Variants in TASP1 observed in about 807,000 individuals in gnomAD.
The protein encoded by TASP1 is threonine aspartase 1.
TASP1 carries 16 observed loss-of-function variants against 56.6 expected under a neutral mutation model. The ratio of observed to expected loss-of-function variants is 0.28; its 90% confidence interval spans 0.19 to 0.43. The LOEUF is 0.43. Ranked by LOEUF, TASP1 falls within the 20% of genes least tolerant of loss-of-function variation. The pLI, the probability that TASP1 is intolerant of heterozygous loss-of-function variation, is 1.00. For missense variants in TASP1, 393 were observed against 511.6 expected (o/e 0.77, Z 2.24); for synonymous variants, 179 against 184.2 (o/e 0.97, Z 0.23).
chr20:13,417,061 G>A lies in TASP1; in HGVS notation c.1170+387C>T, dbSNP rs117218069. The stretch of plus-strand genomic sequence containing the variant: ...TGCTTTCTAGGGTTAAAGCTTGTTT[G>A]ACTCAGTTTCCTTTATTCCAACACT... On this transcript the variant is annotated intron_variant, in intron 13 of 13. Coordinates refer to ENST00000337743, the MANE Select transcript of TASP1 (RefSeq NM_017714.3). Among the ~76,000 whole-genome samples the A allele has an allele frequency of 8.5e-5, 13 of 152,324 alleles. No individual in the cohort carries two copies. The East Asian group carries it at 2.5e-3, about 29-fold the overall frequency.
the TASP1 span, chr20:13,117,786 G>A: frequency 6.9e-7 from 1 of 1,439,238 alleles, no homozygotes; most frequent in African/African-American, 1.4e-5. Context: ...GCCGTGTGTA[G>A]GGCTTCTCTG....
chr20:13,511,115 C>G (rs770626285), intron 10 of TASP1, among the ~76,000 whole-genome samples: 1 of 151,180 alleles, frequency 6.6e-6, no homozygotes, highest in African/African-American at 2.4e-5. Flanking sequence ...ATTAGCCAAT[C>G]AACAAAACAT....
the TASP1 span, among the ~76,000 whole-genome samples, chr20:13,357,722 T>C: frequency 6.6e-6 from 1 of 152,276 alleles, no homozygotes. Flanking sequence ...CTGCTAATCT[T>C]AATAGCCCCA....
At chr20:13,434,896 A>C in intron 12 of TASP1, 148 bp downstream of exon 12, 1 of 523,968 alleles carries the variant, frequency 1.9e-6, no homozygotes. Context: ...TCTACGGAAA[A>C]AGATCAGTAG....
At chr20:13,351,496 GATCTTAAAGGCATTCGCTGCAT>G in the TASP1 span, among the ~76,000 whole-genome samples, 1 of 152,208 alleles carries the variant, frequency 6.6e-6, no homozygotes, top group South Asian at 2.1e-4. Context: ...AAATCAGACA[GATCTTAAAGGCATTCGCTGCAT>G]AAAAGAAGCC....
At chr20:13,573,734 AAAAAAAC>A (rs2046798003) in intron 6 of TASP1, among the ~76,000 whole-genome samples, 1 of 152,156 alleles carries the variant, frequency 6.6e-6, no homozygotes, top group African/African-American at 2.4e-5. Context: ...TGAAGTGGTG[AAAAAAAC>A]AAAAGACAAA....
downstream of TASP1, among the ~76,000 whole-genome samples, chr20:13,385,866 A>G (rs1040546707): frequency 1.2e-4 from 18 of 152,344 alleles, no homozygotes; most frequent in African/African-American, 4.3e-4. Context: ...ACTTCTAGGG[A>G]GTGCTGATTC....
chr20:13,581,968 CGCCT>C (rs1422617501), intron 5 of TASP1, among the ~76,000 whole-genome samples: 1 of 151,996 alleles, frequency 6.6e-6, no homozygotes, highest in Non-Finnish European at 1.5e-5. Context: ...CACTAATATA[CGCCT>C]GCCTTTCAGG....
chr20:13,364,690 A>G, the TASP1 span, among the ~76,000 whole-genome samples: 1 of 151,944 alleles, frequency 6.6e-6, no homozygotes, highest in African/African-American at 2.4e-5. Flanking sequence ...AACTTGGTCA[A>G]TAGACACCTG....
intron 11 of TASP1, among the ~76,000 whole-genome samples, chr20:13,461,532 G>A (rs1488414269): frequency 6.6e-6 from 1 of 152,136 alleles, no homozygotes; most frequent in Non-Finnish European, 1.5e-5. Flanking sequence ...CCAGGAATTG[G>A]CAAGCTTTTT....
chr20:13,510,480 C>CA (rs1360044866), intron 10 of TASP1, among the ~76,000 whole-genome samples: 1 of 152,072 alleles, frequency 6.6e-6, no homozygotes, highest in Non-Finnish European at 1.5e-5. Flanking sequence ...TTTTTCAAAA[C>CA]AAAAACATCC....
chr20:13,617,088 G>T (rs1385973951), intron 4 of TASP1: 1 of 455,608 alleles, frequency 2.2e-6, no homozygotes, highest in Non-Finnish European at 4.4e-6. Context: ...TACTTGGCTG[G>T]ATGCAACTCC....
chr20:13,528,772 T>TCCTTCCCTGAAAAACTTCTC (rs1367200034), intron 9 of TASP1, among the ~76,000 whole-genome samples: 18 of 152,292 alleles, frequency 1.2e-4, no homozygotes, highest in Admixed American at 5.9e-4. Context: ...AGTAATTTTT[T>TCCTTCCCTGAAAAACTTCTC]CCTTCCCTGA....
chr20:13,533,425 G>A (rs2045296896), intron 9 of TASP1, among the ~76,000 whole-genome samples: 1 of 152,086 alleles, frequency 6.6e-6, no homozygotes, highest in African/African-American at 2.4e-5. Context: ...GGGGAAAGGG[G>A]CAAAGTGAAG....
chr20:13,523,026 T>C (rs544361812), intron 10 of TASP1, among the ~76,000 whole-genome samples: 1 of 152,234 alleles, frequency 6.6e-6, no homozygotes, highest in South Asian at 2.1e-4. Context: ...TAATTGTTAA[T>C]CTTGACAAGA....
intron 4 of TASP1, among the ~76,000 whole-genome samples, chr20:13,597,710 G>C (rs1223122381): frequency 6.6e-6 from 1 of 152,058 alleles, no homozygotes; most frequent in Non-Finnish European, 1.5e-5. Context: ...AGAAATAAAG[G>C]GTATTCAATT....
chr20:13,169,856 C>T, the TASP1 span, among the ~76,000 whole-genome samples: 1 of 152,144 alleles, frequency 6.6e-6, no homozygotes, highest in Non-Finnish European at 1.5e-5. Context: ...AAGCACATCC[C>T]AGAAATCATA....
At chr20:13,411,296 T>C (rs1000325644) in intron 13 of TASP1, among the ~76,000 whole-genome samples, 3 of 152,170 alleles carry the variant, frequency 2.0e-5, no homozygotes, top group African/African-American at 4.8e-5. Flanking sequence ...CGTTGGCTAT[T>C]TGGGCTCTTT....
chr20:13,143,467 CA>C, the TASP1 span, among the ~76,000 whole-genome samples: 1 of 152,152 alleles, frequency 6.6e-6, no homozygotes, highest in East Asian at 1.9e-4. Flanking sequence ...TCATGATTCC[CA>C]TTTTACAATG....
Sources: gnomAD v4.1 joint callset for allele counts (sites outside exome capture counted in the v4.1 genomes callset) on GRCh38, gnomAD v4.1.1 for gene constraint, MANE v1.5 for transcripts, NCBI Gene and HGNC (gene_info 2026-07-23, HGNC 2026-07-21) for gene names.